The following HMGN2 variants were observed in gnomAD, a reference collection of about 807,000 sequenced individuals.
HMGN2 encodes non-histone chromosomal protein HMG-17.
A neutral mutation model predicts 16.9 loss-of-function variants in HMGN2; 2 were observed. The observed-to-expected ratio is 0.12, with a 90% CI of 0.05 to 0.37. The LOEUF (loss-of-function observed/expected upper bound fraction) is 0.37, where lower values mean the gene tolerates loss of function less well. Ranked by LOEUF, HMGN2 falls within the 10% of genes least tolerant of loss-of-function variation. The pLI is 1.00. For missense variants in HMGN2, 90 were observed against 106.0 expected, an observed-to-expected ratio of 0.85 and a Z score of 0.66; for synonymous variants, 31 against 34.9, an observed-to-expected ratio of 0.89 and a Z score of 0.39.
intron 3 of HMGN2, 42 bp from the exon 4 acceptor site, chr1:26,474,043 T>C (rs2075592688): frequency 6.4e-7 from 1 of 1,551,130 alleles, no homozygotes; most frequent in African/African-American, 1.4e-5. Flanking sequence ...TTCAGTCCAT[T>C]GTACTGATGT....
At chr1:26,472,704 G>A (rs1043648890) in intron 1 of HMGN2, 77 bp downstream of exon 1, 1 of 1,338,882 alleles carries the variant, frequency 7.5e-7, no homozygotes. Context: ...TGCAGGGAGC[G>A]AGAATCGGCG....
At chr1:26,474,893 T>A (rs886141973) in intron 5 of HMGN2, 1 of 608,290 alleles carries the variant, frequency 1.6e-6, no homozygotes. Context: ...TAACCTCAGG[T>A]CTCTTATTCT....
At position 26,472,535 on chromosome 1, in the gene HMGN2, C is replaced by G. The variant is rs947494871; in HGVS notation, c.-78C>G. On this transcript the variant is annotated 5_prime_UTR_variant, in exon 1 of 6. Coordinates refer to ENST00000361427, the MANE Select transcript of HMGN2 (RefSeq NM_005517.4). ...AGTGTGAAGAAGAGGCGAGAACGACCCCCGGACCGACCAAAGCCCGCGCGC... is the reference window on the plus strand; with the variant it reads ...AGTGTGAAGAAGAGGCGAGAACGACGCCCGGACCGACCAAAGCCCGCGCGC... The G allele has an allele frequency of 6.6e-7, 1 of 1,520,740 alleles. No homozygotes were observed. Among genetic ancestry groups the G allele is most frequent in the Non-Finnish European group, 8.8e-7 (1 of 1,135,426 alleles). The allele number at this position is 1,520,740 out of a possible 1,614,324, so 94.2% of individuals were successfully genotyped here. A position where few individuals can be genotyped will look rare whatever the true frequency, so the allele number is the denominator to read the frequency against.
Position 26,475,850 on chromosome 1 carries a change from T to C in HMGN2, c.*702T>C, listed in dbSNP as rs1198305496. 3.4e-6 allele frequency: 1 copy of C among 297,570 alleles called. No individual in the cohort carries two copies. Among genetic ancestry groups the C allele is most frequent in the Admixed American group, 4.6e-5 (1 of 21,584 alleles). 18.4% of individuals were successfully genotyped at this position (297,570 alleles called of 1,614,324 possible). A position where few individuals can be genotyped will look rare whatever the true frequency, so the allele number is the denominator to read the frequency against. On this transcript the variant is annotated 3_prime_UTR_variant, in exon 6 of 6. Coordinates refer to ENST00000361427, the MANE Select transcript of HMGN2 (RefSeq NM_005517.4). ...GGCTTTCTGATTTTTGGTAGTCCAT[T>C]GAAGAAGGGAGTTTGAAAGTTGTTG...
chr1:26,472,535 C>T lies in HMGN2; in HGVS notation c.-78C>T, dbSNP rs947494871. ...AGTGTGAAGAAGAGGCGAGAACGAC[C>T]CCCGGACCGACCAAAGCCCGCGCGC... is the stretch of plus-strand genomic sequence containing the variant. On this transcript the variant is annotated 5_prime_UTR_variant, in exon 1 of 6. Transcript: ENST00000361427. The T allele has an allele frequency of 3.8e-5, 58 of 1,520,630 alleles. No individual in the cohort carries two copies. The highest frequency in any genetic ancestry group is 1.9e-4 in the African/African-American group (14 of 72,366). 94.2% of individuals were successfully genotyped at this position (1,520,630 alleles called of 1,614,324 possible). A position where few individuals can be genotyped will look rare whatever the true frequency, so the allele number is the denominator to read the frequency against.
At chr1:26,473,573 GC>G in intron 2 of HMGN2, 46 bp downstream of exon 2, 1 of 1,558,238 alleles carries the variant, frequency 6.4e-7, no homozygotes, top group African/African-American at 1.4e-5. Flanking sequence ...ACTAGCAGAG[GC>G]CACTGGACTC....
At chr1:26,473,056 C>T (rs1261528733) in intron 1 of HMGN2, 2 of 226,076 alleles carry the variant, frequency 8.8e-6, no homozygotes, top group African/African-American at 2.3e-5. Context: ...GGGGCTTGTG[C>T]GGTATGGCCC....
At chr1:26,474,753 A>T in intron 5 of HMGN2, 86 bp downstream of exon 5, 1 of 720,442 alleles carries the variant, frequency 1.4e-6, no homozygotes, top group Non-Finnish European at 2.5e-6. Context: ...TTCTTGTATC[A>T]CTCCAAATGT....
At chr1:26,473,568 C>A in intron 2 of HMGN2, 41 bp downstream of exon 2, 1 of 1,572,866 alleles carries the variant, frequency 6.4e-7, no homozygotes, top group Non-Finnish European at 8.8e-7. Flanking sequence ...CTTGGACTAG[C>A]AGAGGCCACT....
chr1:26,473,211 C>T, intron 1 of HMGN2: 2 of 467,606 alleles, frequency 4.3e-6, no homozygotes, highest in Non-Finnish European at 7.6e-6. Context: ...GGTTTGTTTG[C>T]GCCATCTGCA....
intron 1 of HMGN2, 198 bp from the exon 2 acceptor site, chr1:26,473,285 C>G (rs546328314): frequency 1.3e-4 from 79 of 593,880 alleles, no homozygotes; most frequent in African/African-American, 3.0e-4. Context: ...CGCTCCGGTC[C>G]AGCCCTCGCT....
intron 5 of HMGN2, 136 bp from the exon 6 acceptor site, chr1:26,474,977 T>C: frequency 1.4e-6 from 1 of 724,208 alleles, no homozygotes; most frequent in South Asian, 1.7e-5. Context: ...TAGTAAGTCA[T>C]TCTCAGAAGA....
intron 3 of HMGN2, 98 bp downstream of exon 3, chr1:26,473,830 T>C: frequency 8.1e-7 from 1 of 1,234,330 alleles, no homozygotes; most frequent in Non-Finnish European, 1.2e-6. Context: ...TAGTGCCTGG[T>C]TTTGAATCAT....
In HMGN2 at chr1:26,473,388, C is replaced by T. The variant is rs192352592; in HGVS notation, c.16-95C>T. On this transcript the variant is annotated intron_variant, in intron 1 of 5. Coordinates refer to ENST00000361427, the MANE Select transcript of HMGN2 (RefSeq NM_005517.4). ...TTATGTCCTAGAAAAGTTGTGTGGA[C>T]GACTGCTTTAATTTTCATTTTTAGC... 3.4e-4 allele frequency: 299 copies of T among 889,326 alleles called. No individual in the cohort carries two copies. In the African/African-American group the frequency reaches 4.5e-3, roughly 13 times the overall value. 55.1% of individuals were successfully genotyped at this position (889,326 alleles called of 1,614,324 possible). A position where few individuals can be genotyped will look rare whatever the true frequency, so the allele number is the denominator to read the frequency against.
rs2075609057 is a variant in HMGN2, at chr1:26,476,360, A to G, written c.*1212A>G. Among the ~76,000 whole-genome samples the G allele has an allele frequency of 6.6e-6, 1 of 152,230 alleles. No homozygotes were observed. The highest frequency in any genetic ancestry group is 2.4e-5 in the African/African-American group (1 of 41,458). On this transcript the variant is annotated 3_prime_UTR_variant, in exon 6 of 6. Coordinates refer to ENST00000361427, the MANE Select transcript of HMGN2 (RefSeq NM_005517.4). Reference sequence around the variant, plus strand: ...GCAACTTCTATAAAATTAGCAAATTAATAGACTCATGTCAGAGAGTGTCTC... The same window carrying G: ...GCAACTTCTATAAAATTAGCAAATTGATAGACTCATGTCAGAGAGTGTCTC...
chr1:26,473,032 CCG>C (rs2124568790), intron 1 of HMGN2, among the ~76,000 whole-genome samples: 1 of 11,628 alleles, frequency 8.6e-5, no homozygotes, highest in Admixed American at 9.7e-4. Flanking sequence ...CAAAAAACCG[CCG>C]CCGTGAGGGG....
At position 26,472,528 on chromosome 1, in the gene HMGN2, G is replaced by C. The variant is rs1557460094; in HGVS notation, c.-85G>C. 2 of 1,503,796 alleles carry C rather than the reference G, an allele frequency of 1.3e-6. No homozygotes were observed. Among genetic ancestry groups the C allele is most frequent in the South Asian group, 1.2e-5 (1 of 83,428 alleles). The allele number at this position is 1,503,796 out of a possible 1,614,324, so 93.2% of individuals were successfully genotyped here. A position where few individuals can be genotyped will look rare whatever the true frequency, so the allele number is the denominator to read the frequency against. On this transcript the variant is annotated 5_prime_UTR_variant, in exon 1 of 6. Transcript: ENST00000361427. ...CCCGAGCAGTGTGAAGAAGAGGCGA[G>C]AACGACCCCCGGACCGACCAAAGCC... is the stretch of plus-strand genomic sequence containing the variant.
chr1:26,475,007 T>A, intron 5 of HMGN2, 106 bp from the exon 6 acceptor site: 1 of 929,008 alleles, frequency 1.1e-6, no homozygotes, highest in South Asian at 1.4e-5. Flanking sequence ...TCTCAGTACC[T>A]GAAACCTGAA....
intron 4 of HMGN2, 151 bp downstream of exon 4, chr1:26,474,286 C>G: frequency 1.6e-6 from 1 of 638,956 alleles, no homozygotes; most frequent in Non-Finnish European, 2.7e-6. Context: ...CGTTGGTTTC[C>G]TGATCAAGAA....
Sources: gnomAD v4.1 joint callset for allele counts (sites outside exome capture counted in the v4.1 genomes callset) on GRCh38, gnomAD v4.1.1 for gene constraint, MANE v1.5 for transcripts, NCBI Gene and HGNC (gene_info 2026-07-23, HGNC 2026-07-21) for gene names.